LIN28B: variants seen among roughly 807,000 people sequenced by gnomAD.
The protein encoded by LIN28B is protein lin-28 homolog B.
A neutral mutation model predicts 21.9 loss-of-function variants in LIN28B; 5 were observed. The observed-to-expected ratio is 0.23, with a 90% CI of 0.12 to 0.48. LIN28B has a LOEUF of 0.48. LIN28B is among the 20% of genes least tolerant of loss of function. The pLI is 0.98. For missense variants in LIN28B, 245 were observed against 310.5 expected, an observed-to-expected ratio of 0.79 and a Z score of 1.58; for synonymous variants, 109 against 111.3, an observed-to-expected ratio of 0.98 and a Z score of 0.13.
At chr6:105,070,592 C>CACACACACACACACA (rs1772311771) in intron 3 of LIN28B, among the ~76,000 whole-genome samples, 1 of 92,228 alleles carries the variant, frequency 1.1e-5, no homozygotes, top group Non-Finnish European at 2.1e-5. Flanking sequence ...ATCAATAAAA[C>CACACACACACACACA]CACACACACA....
At chr6:105,041,355 G>T (rs563889632) in intron 3 of LIN28B, among the ~76,000 whole-genome samples, 1 of 151,922 alleles carries the variant, frequency 6.6e-6, no homozygotes, top group South Asian at 2.1e-4. Context: ...GATCTCACTT[G>T]TATAATGTCT....
At chr6:105,020,914 G>A (rs920613581) in intron 2 of LIN28B, among the ~76,000 whole-genome samples, 5 of 151,692 alleles carry the variant, frequency 3.3e-5, no homozygotes, top group Admixed American at 1.3e-4. Context: ...CACCACGCCC[G>A]GCTAATTTTT....
intron 2 of LIN28B, among the ~76,000 whole-genome samples, chr6:105,011,697 A>G (rs551227039): frequency 6.6e-5 from 10 of 151,894 alleles, no homozygotes; most frequent in Admixed American, 5.9e-4. Flanking sequence ...TAAAAATACA[A>G]AAATTAGCCG....
In LIN28B at chr6:104,942,920, A is replaced by T. The variant is rs145793832; in HGVS notation, c.18+5804A>T. 7.2e-3 allele frequency among the ~76,000 whole-genome samples: 1,089 copies of T among 152,038 alleles called. 11 individuals are homozygous for T. Among genetic ancestry groups the T allele is most frequent in the African/African-American group, 0.024 (1,007 of 41,452 alleles). On this transcript the variant is annotated intron_variant, in intron 2 of 5. Coordinates refer to the LIN28B transcript ENST00000635857. ...ATAGGTGCTTCTCAATAGATCTGGA[A>T]CTAAATGATTCAATAATTATATTCT...
chr6:104,994,114 C>T lies in LIN28B; in HGVS notation c.199-32184C>T, dbSNP rs188162353. Among the ~76,000 whole-genome samples, 1,317 of 152,222 alleles carry T rather than the reference C, an allele frequency of 8.7e-3. 5 individuals are homozygous for T. Among genetic ancestry groups the T allele is most frequent in the Non-Finnish European group, 0.013 (911 of 68,014 alleles). ...CCGCCTTCCAGGTTCATGCCATTCT[C>T]CTGCCTCAGCCTTCCAAGTAGCTGG... On this transcript the variant is annotated intron_variant, in intron 2 of 3. Coordinates refer to ENST00000345080, the MANE Select transcript of LIN28B (RefSeq NM_001004317.4).
chr6:105,062,979 A>G (rs1173816308), intron 3 of LIN28B, among the ~76,000 whole-genome samples: 1 of 152,142 alleles, frequency 6.6e-6, no homozygotes, highest in Non-Finnish European at 1.5e-5. Flanking sequence ...TCTTAGTACA[A>G]ACCTCATAAA....
At chr6:104,938,218 T>C (rs1473825134) in intron 2 of LIN28B, among the ~76,000 whole-genome samples, 1 of 152,058 alleles carries the variant, frequency 6.6e-6, no homozygotes, top group Non-Finnish European at 1.5e-5. Flanking sequence ...TACACCAGCC[T>C]TGGCAACAGA....
chr6:104,981,397 T>C (rs1770221329), intron 2 of LIN28B, among the ~76,000 whole-genome samples: 1 of 152,236 alleles, frequency 6.6e-6, no homozygotes, highest in South Asian at 2.1e-4. Flanking sequence ...AGTTTTTCTT[T>C]ACAGGAGAAA....
At chr6:104,944,043 A>T (rs552780762) in intron 2 of LIN28B, among the ~76,000 whole-genome samples, 1 of 152,284 alleles carries the variant, frequency 6.6e-6, no homozygotes, top group South Asian at 2.1e-4. Context: ...GCTAAATCTG[A>T]CTGAAAACTG....
At chr6:105,058,155 C>T (rs2114396830) in intron 3 of LIN28B, 1 of 322,578 alleles carries the variant, frequency 3.1e-6, no homozygotes, top group East Asian at 1.2e-4. Flanking sequence ...GGTACTTGTA[C>T]CAACTGGGAA....
chr6:104,991,946 C>T (rs1032327384), intron 2 of LIN28B, among the ~76,000 whole-genome samples: 26 of 136,292 alleles, frequency 1.9e-4, no homozygotes, highest in Non-Finnish European at 2.4e-4. Flanking sequence ...TTGCAGTGAG[C>T]GGAGATGGCA....
chr6:104,991,893 C>G (rs536753451), intron 2 of LIN28B, among the ~76,000 whole-genome samples: 6 of 152,000 alleles, frequency 3.9e-5, no homozygotes, highest in Non-Finnish European at 5.9e-5. Flanking sequence ...CGCCTGCAAT[C>G]GCAGGCACTC....
rs114710341 is a variant in LIN28B at position 105,001,205 on chromosome 6, A to G, written c.199-25093A>G. ...GTGGTAGCTTTGACCCTGAGTTACT[A>G]TGTATATTTTTAAGCAAGCTGACTA... On this transcript the variant is annotated intron_variant, in intron 2 of 3. Coordinates refer to ENST00000345080, the MANE Select transcript of LIN28B (RefSeq NM_001004317.4). Among the ~76,000 whole-genome samples, 648 of 152,334 alleles carry G rather than the reference A, an allele frequency of 4.3e-3. 3 individuals carry two copies. Among genetic ancestry groups the G allele is most frequent in the African/African-American group, 0.015 (610 of 41,572 alleles).
At chr6:105,056,429 A>C (rs1772025313) in intron 3 of LIN28B, among the ~76,000 whole-genome samples, 1 of 152,058 alleles carries the variant, frequency 6.6e-6, no homozygotes. Flanking sequence ...GCTTAGTCCT[A>C]GGATGCAGTC....
chr6:104,990,904 C>T (rs1174960956), intron 2 of LIN28B, among the ~76,000 whole-genome samples: 1 of 152,170 alleles, frequency 6.6e-6, no homozygotes, highest in African/African-American at 2.4e-5. Flanking sequence ...AACAGCATCC[C>T]AAGGCAGAAT....
intron 2 of LIN28B, among the ~76,000 whole-genome samples, chr6:104,944,952 G>A (rs375129775): frequency 2.6e-5 from 4 of 152,048 alleles, no homozygotes; most frequent in East Asian, 1.9e-4. Flanking sequence ...AGTTCTAATG[G>A]TGGAAAAACA....
intron 2 of LIN28B, among the ~76,000 whole-genome samples, chr6:105,019,859 T>C (rs912284295): frequency 6.6e-6 from 1 of 152,164 alleles, no homozygotes; most frequent in African/African-American, 2.4e-5. Flanking sequence ...GTGAAGCACC[T>C]CACTTGGTCT....
chr6:105,074,177 T>A (rs2114420594), intron 3 of LIN28B, among the ~76,000 whole-genome samples: 1 of 152,296 alleles, frequency 6.6e-6, no homozygotes, highest in Admixed American at 6.5e-5. Flanking sequence ...ATTCTATCCA[T>A]TGTTGCCATT....
At chr6:105,049,439 G>T (rs1452922694) in intron 3 of LIN28B, among the ~76,000 whole-genome samples, 2 of 152,184 alleles carry the variant, frequency 1.3e-5, no homozygotes, top group Admixed American at 6.5e-5. Flanking sequence ...GTCAATTTTG[G>T]AATAAGTGTG....
Sources: allele counts gnomAD v4.1 joint callset (sites outside exome capture counted in the v4.1 genomes callset), GRCh38; gene constraint gnomAD v4.1.1; transcripts MANE v1.5; gene names NCBI Gene and HGNC (gene_info 2026-07-23, HGNC 2026-07-21).